ANO3: variants seen among roughly 807,000 people sequenced by gnomAD.
ANO3 encodes the protein anoctamin-3.
ANO3 carries 99 observed loss-of-function variants against 144.8 expected under a neutral mutation model. The ratio of observed to expected loss-of-function variants is 0.68; its 90% CI spans 0.58 to 0.81. The LOEUF (loss-of-function observed/expected upper bound fraction) is 0.81. ANO3 is among the 30% of genes least tolerant of loss of function. The pLI is 0.00. For synonymous variants in ANO3, 414 were observed against 392.6 expected (o/e 1.05, Z -0.64); for missense variants, 905 against 1,202.2 (o/e 0.75, Z 3.66).
chr11:26,501,672 C>A (rs370956863), intron 4 of ANO3, among the ~76,000 whole-genome samples: 3 of 152,160 alleles, frequency 2.0e-5, no homozygotes, highest in Non-Finnish European at 4.4e-5. Context: ...CCAACAAGCT[C>A]CACATCAGGT....
intron 14 of ANO3, among the ~76,000 whole-genome samples, chr11:26,590,566 G>A (rs943857668): frequency 6.6e-6 from 1 of 152,200 alleles, no homozygotes; most frequent in Non-Finnish European, 1.5e-5. Context: ...GGATTCCAAG[G>A]AATGGAACCT....
intron 4 of ANO3, among the ~76,000 whole-genome samples, chr11:26,482,193 C>T (rs1035407898): frequency 9.2e-5 from 14 of 152,082 alleles, no homozygotes; most frequent in Non-Finnish European, 2.9e-5. Context: ...CCACTCCTCC[C>T]AGCTTTTAGT....
chr11:26,272,886 C>T (rs1195784558), intron 1 of ANO3, among the ~76,000 whole-genome samples: 1 of 152,144 alleles, frequency 6.6e-6, no homozygotes, highest in Admixed American at 6.5e-5. Flanking sequence ...GTGATCAGGA[C>T]TGCCCTTCTC....
chr11:26,367,868 G>C (rs556067307), intron 1 of ANO3, among the ~76,000 whole-genome samples: 1 of 152,176 alleles, frequency 6.6e-6, no homozygotes, highest in Non-Finnish European at 1.5e-5. Context: ...AGTGGGGCAG[G>C]TGGAAGCACC....
intron 1 of ANO3, among the ~76,000 whole-genome samples, chr11:26,314,154 C>T (rs866717941): frequency 1.3e-5 from 2 of 151,978 alleles, no homozygotes; most frequent in African/African-American, 2.4e-5. Context: ...GGAAATTGCT[C>T]GCCAGCATGC....
rs1164831326 is a variant in ANO3 at position 26,377,953 on chromosome 11, T to C, written c.46+45632T>C. On this transcript the variant is annotated intron_variant, in intron 1 of 26. Transcript: ENST00000256737. ...CATCTTTAATGTGAAAGGAAGACAT[T>C]TGCAGAGAATAAAAAACTGAGTTTT... Among the ~76,000 whole-genome samples the C allele has an allele frequency of 2.6e-5, 4 of 152,176 alleles. No homozygotes were observed. In the South Asian group the frequency reaches 6.2e-4, roughly 24 times the overall value.
At chr11:26,471,973 G>A (rs1240923861) in intron 4 of ANO3, among the ~76,000 whole-genome samples, 5 of 151,936 alleles carry the variant, frequency 3.3e-5, no homozygotes, top group Non-Finnish European at 5.9e-5. Flanking sequence ...CCTGAAGGAT[G>A]TTAGCTCTAA....
At chr11:26,374,584 C>G (rs551133677) in intron 1 of ANO3, among the ~76,000 whole-genome samples, 1 of 152,202 alleles carries the variant, frequency 6.6e-6, no homozygotes, top group East Asian at 1.9e-4. Context: ...TTCAGTATGG[C>G]TTTTGAAATT....
At chr11:26,366,662 T>C (rs1013187306) in intron 1 of ANO3, among the ~76,000 whole-genome samples, 1 of 152,092 alleles carries the variant, frequency 6.6e-6, no homozygotes, top group African/African-American at 2.4e-5. Context: ...TTTTTAATGA[T>C]TGCCATTCTA....
chr11:26,328,122 T>C (rs1278043353), upstream of ANO3, among the ~76,000 whole-genome samples: 1 of 152,168 alleles, frequency 6.6e-6, no homozygotes, highest in African/African-American at 2.4e-5. Flanking sequence ...GCTGCTGATT[T>C]TCCTCCATGA....
At chr11:26,323,878 TTC>T (rs1305331928) in intron 1 of ANO3, among the ~76,000 whole-genome samples, 2 of 152,194 alleles carry the variant, frequency 1.3e-5, no homozygotes, top group Non-Finnish European at 2.9e-5. Flanking sequence ...ATTTCCCATA[TTC>T]CCATCTCCAT....
chr11:26,575,681 A>C (rs1850967406), intron 14 of ANO3, among the ~76,000 whole-genome samples: 1 of 152,216 alleles, frequency 6.6e-6, no homozygotes, highest in South Asian at 2.1e-4. Context: ...AAATTATTTT[A>C]GCGATTACAC....
intron 1 of ANO3, among the ~76,000 whole-genome samples, chr11:26,272,117 A>C (rs1376759566): frequency 6.6e-6 from 1 of 152,120 alleles, no homozygotes; most frequent in Admixed American, 6.5e-5. Context: ...ATGGTTTATC[A>C]GTAAAAACTG....
At chr11:26,420,770 G>A (rs907004380) in intron 1 of ANO3, among the ~76,000 whole-genome samples, 2 of 151,996 alleles carry the variant, frequency 1.3e-5, no homozygotes, top group South Asian at 4.2e-4. Flanking sequence ...TTTTCATCCT[G>A]GCCACAATCT....
intron 7 of ANO3, among the ~76,000 whole-genome samples, chr11:26,530,781 A>C (rs374107245): frequency 1.2e-4 from 18 of 152,264 alleles, no homozygotes; most frequent in African/African-American, 4.3e-4. Flanking sequence ...AGGCAGGAGA[A>C]TCGCTTGAAC....
intron 1 of ANO3, among the ~76,000 whole-genome samples, chr11:26,418,953 G>C (rs763350505): frequency 2.0e-5 from 3 of 152,090 alleles, no homozygotes; most frequent in Non-Finnish European, 4.4e-5. Flanking sequence ...AAAATTTTCT[G>C]TATTAGTCTA....
intron 3 of ANO3, among the ~76,000 whole-genome samples, chr11:26,455,913 A>C (rs916737199): frequency 6.6e-6 from 1 of 151,910 alleles, no homozygotes; most frequent in Non-Finnish European, 1.5e-5. Context: ...CCTCAGAAAT[A>C]ATGCCATATA....
chr11:26,590,924 G>T (rs1027113342), intron 14 of ANO3, among the ~76,000 whole-genome samples: 2 of 152,144 alleles, frequency 1.3e-5, no homozygotes, highest in Non-Finnish European at 2.9e-5. Context: ...CCATACAATG[G>T]GAGGGGACCC....
At chr11:26,626,187 T>C (rs1283785493) in intron 18 of ANO3, among the ~76,000 whole-genome samples, 1 of 152,222 alleles carries the variant, frequency 6.6e-6, no homozygotes, top group Non-Finnish European at 1.5e-5. Flanking sequence ...AATGATGTAC[T>C]TTGGTGAAAA....
Sources: gnomAD v4.1 joint callset for allele counts (sites outside exome capture counted in the v4.1 genomes callset) on GRCh38, gnomAD v4.1.1 for gene constraint, MANE v1.5 for transcripts, NCBI Gene and HGNC (gene_info 2026-07-23, HGNC 2026-07-21) for gene names.